FBRSL1: variants seen among roughly 807,000 people sequenced by gnomAD.
FBRSL1 encodes the protein fibrosin like 1, also known as fibrosin-1-like protein.
A neutral mutation model predicts 89.6 loss-of-function variants in FBRSL1; 51 were observed. The observed-to-expected ratio is 0.57, with a 90% confidence interval of 0.45 to 0.72. The LOEUF is 0.72. Among genes scored for constraint, FBRSL1 ranks in the 30% least tolerant of loss-of-function variants. The pLI, the probability that FBRSL1 is intolerant of heterozygous loss-of-function variation, is 0.00. For missense variants in FBRSL1, 1,618 were observed against 1,451.8 expected (o/e 1.11, Z -1.86); for synonymous variants, 779 against 681.1 (o/e 1.14, Z -2.24).
chr12:132,494,390 G>A (rs999832345), intron 1 of FBRSL1, among the ~76,000 whole-genome samples: 3 of 152,210 alleles, frequency 2.0e-5, no homozygotes, highest in Admixed American at 1.3e-4. Flanking sequence ...TTCCCACATA[G>A]CAAAGGCCAT....
At chr12:132,514,618 G>A (rs577353137) in intron 2 of FBRSL1, among the ~76,000 whole-genome samples, 1 of 152,280 alleles carries the variant, frequency 6.6e-6, no homozygotes, top group Non-Finnish European at 1.5e-5. Flanking sequence ...TTTTCATGCT[G>A]AGCCACAGTC....
rs1210280906 is a variant in FBRSL1 at position 132,584,736 on chromosome 12, T to C, written c.*958T>C. On this transcript the variant is annotated 3_prime_UTR_variant, in exon 19 of 19. Transcript: ENST00000680143. ...AGCCGCAAGGGCGATGCTGTGGACGTTTGTGTGGATGGTGCAGTGTTCTTG... is the reference window on the plus strand; with the variant it reads ...AGCCGCAAGGGCGATGCTGTGGACGCTTGTGTGGATGGTGCAGTGTTCTTG... 1 of 152,414 alleles carries C rather than the reference T, an allele frequency of 6.6e-6. No individual in the cohort carries two copies. Among genetic ancestry groups the C allele is most frequent in the African/African-American group, 2.4e-5 (1 of 41,456 alleles). 9.4% of individuals were successfully genotyped at this position (152,414 alleles called of 1,614,324 possible).
chr12:132,558,128 G>C (rs993501261), intron 5 of FBRSL1, among the ~76,000 whole-genome samples: 6 of 149,930 alleles, frequency 4.0e-5, no homozygotes, highest in African/African-American at 1.5e-4. Context: ...TTGTCCTCAC[G>C]GCCCCTCCTG....
intron 2 of FBRSL1, among the ~76,000 whole-genome samples, chr12:132,524,623 A>T (rs1018787969): frequency 3.9e-5 from 6 of 152,152 alleles, no homozygotes; most frequent in African/African-American, 1.4e-4. Flanking sequence ...GAACCTCACC[A>T]GGGGCCCTGG....
intron 4 of FBRSL1, among the ~76,000 whole-genome samples, chr12:132,542,966 G>A (rs1485051531): frequency 6.6e-6 from 1 of 152,214 alleles, no homozygotes; most frequent in African/African-American, 2.4e-5. Flanking sequence ...ACCCCAACCC[G>A]TAGCCGCCCA....
chr12:132,583,959 T>A lies in FBRSL1; in HGVS notation c.*181T>A, dbSNP rs2040976023. The A allele has an allele frequency of 3.4e-6, 1 of 296,394 alleles. No homozygotes were observed. The highest frequency in any genetic ancestry group is 2.2e-5 in the African/African-American group (1 of 45,060). The allele number at this position is 296,394 out of a possible 1,614,324, so 18.4% of individuals were successfully genotyped here. On this transcript the variant is annotated 3_prime_UTR_variant, in exon 19 of 19. Transcript: ENST00000680143. ...AGGGTGATCTTTTGTTTTCCGAGTT[T>A]GGGATTCGGCTGTTGGGAAAAAAAA...
chr12:132,528,694 T>C (rs1376428752), intron 4 of FBRSL1, among the ~76,000 whole-genome samples: 2 of 151,234 alleles, frequency 1.3e-5, no homozygotes, highest in African/African-American at 4.9e-5. Context: ...TTTCAGTGTG[T>C]GCCTGAGAGA....
rs1367407170 is a variant in FBRSL1, at chr12:132,499,034, C to A, written c.291+8173C>A. Among the ~76,000 whole-genome samples the A allele has an allele frequency of 6.6e-6, 1 of 152,246 alleles. No homozygotes were observed. Among genetic ancestry groups the A allele is most frequent in the Non-Finnish European group, 1.5e-5 (1 of 68,038 alleles). On this transcript the variant is annotated intron_variant, in intron 1 of 18. Coordinates refer to ENST00000680143, the MANE Select transcript of FBRSL1 (RefSeq NM_001367871.1). This position sits in a 1 kb window ranked among gnomAD's most constrained non-coding sequence, Gnocchi z 4.3. ...TGTGTATGTGACCAAGGGTACCTGC[C>A]ACCTCTGCTGTCCCCTGGGACAGTG...
At chr12:132,577,194 T>TC (rs2040436240) in intron 15 of FBRSL1, among the ~76,000 whole-genome samples, 1 of 150,306 alleles carries the variant, frequency 6.7e-6, no homozygotes, top group African/African-American at 2.5e-5. Context: ...CTGCTGCTCC[T>TC]CCCCACCAAG....
intron 4 of FBRSL1, among the ~76,000 whole-genome samples, chr12:132,537,773 C>T (rs1310941924): frequency 2.6e-5 from 4 of 152,196 alleles, no homozygotes; most frequent in South Asian, 4.1e-4. Flanking sequence ...GAGCCCAGGC[C>T]GCCCACACGT....
At chr12:132,507,354 G>A (rs2033809852) in intron 1 of FBRSL1, 1 of 985,350 alleles carries the variant, frequency 1.0e-6, no homozygotes, top group South Asian at 4.7e-5. Flanking sequence ...GTCTGCACCA[G>A]CCCTGGTGCC....
chr12:132,583,614 G>T lies in FBRSL1; in HGVS notation c.2845G>T (p.Ala949Ser). The change falls in exon 19 of 19, where the codon GCC becomes TCC. Residue 949 changes from alanine (A) to serine (S), a missense_variant. By Grantham distance (99) the Ala-to-Ser change is moderately conservative. Transcript: ENST00000680143. Reference sequence around the variant, plus strand: ...TGGGCTCCTGGCGCGGACCCCGCCCGCCGCCGCCGCCCTCGGCGCACCGCC... The same window carrying T: ...TGGGCTCCTGGCGCGGACCCCGCCCTCCGCCGCCGCCCTCGGCGCACCGCC... Reference protein sequence around the residue: ...HNGLLARTPPAAAALGAPPPL... With the variant: ...HNGLLARTPPSAAALGAPPPL... 1 of 987,794 alleles carries T rather than the reference G, an allele frequency of 1.0e-6. No individual in the cohort carries two copies. Among genetic ancestry groups the T allele is most frequent in the Non-Finnish European group, 1.2e-6 (1 of 831,970 alleles). 61.2% of individuals were successfully genotyped at this position (987,794 alleles called of 1,614,324 possible).
At chr12:132,525,919 T>G in intron 3 of FBRSL1, 96 bp downstream of exon 3, 1 of 978,192 alleles carries the variant, frequency 1.0e-6, no homozygotes, top group Non-Finnish European at 1.5e-6. Context: ...CTGGGCCGCC[T>G]GCCCACTGTG....
chr12:132,510,008 C>T, intron 2 of FBRSL1: 6 of 1,231,682 alleles, frequency 4.9e-6, no homozygotes, highest in Non-Finnish European at 6.1e-6. Flanking sequence ...CCAGGCAGCC[C>T]CAGCGGTTAG....
chr12:132,580,380 G>T (rs1019259061), intron 15 of FBRSL1, among the ~76,000 whole-genome samples: 1 of 152,180 alleles, frequency 6.6e-6, no homozygotes, highest in Non-Finnish European at 1.5e-5. Context: ...GAGCCACTGC[G>T]CCCGGCCAAT....
intron 5 of FBRSL1, among the ~76,000 whole-genome samples, chr12:132,563,554 G>A (rs73155029): frequency 0.21 from 32,236 of 151,952 alleles, 4,262 homozygotes; most frequent in Non-Finnish European, 0.3. Context: ...CCGTCTGTCC[G>A]TTTGCCTGTC....
chr12:132,511,961 G>C, intron 2 of FBRSL1: 1 of 985,290 alleles, frequency 1.0e-6, no homozygotes, highest in Non-Finnish European at 1.2e-6. Flanking sequence ...CAGCATCAGC[G>C]TTTGTAATTT....
intron 5 of FBRSL1, among the ~76,000 whole-genome samples, chr12:132,562,583 G>A (rs1404172501): frequency 2.4e-5 from 1 of 41,336 alleles, no homozygotes; most frequent in Non-Finnish European, 4.2e-5. Flanking sequence ...CCCGGGGACC[G>A]CACAGGGTGA....
chr12:132,549,790 C>T (rs1053204882), intron 5 of FBRSL1, among the ~76,000 whole-genome samples: 4 of 152,340 alleles, frequency 2.6e-5, no homozygotes, highest in Admixed American at 2.0e-4. Context: ...CGCCAGCCTC[C>T]GAGACCCAAA....
Sources: gnomAD v4.1 joint callset for allele counts (sites outside exome capture counted in the v4.1 genomes callset) on GRCh38, gnomAD v4.1.1 for gene constraint, Gnocchi (gnomAD v3.1) non-coding constraint, MANE v1.5 for transcripts, NCBI Gene and HGNC (gene_info 2026-07-23, HGNC 2026-07-21) for gene names.